COL25A1: variants seen among roughly 807,000 people sequenced by gnomAD.
The protein encoded by COL25A1 is collagen alpha-1(XXV) chain.
Under a neutral mutation model 128.4 loss-of-function variants are expected in COL25A1, and 103 were observed. The observed-to-expected ratio is 0.80, with a 90% CI of 0.68 to 0.94. COL25A1 has a LOEUF of 0.94. Ranked by LOEUF, COL25A1 falls within the 40% of genes least tolerant of loss-of-function variation. The pLI is 0.00. For synonymous variants in COL25A1, 279 were observed against 277.2 expected, an observed-to-expected ratio of 1.01 and a Z score of -0.06; for missense variants, 745 against 840.0, an observed-to-expected ratio of 0.89 and a Z score of 1.40.
intron 3 of COL25A1, among the ~76,000 whole-genome samples, chr4:109,171,741 G>A (rs1773607877): frequency 6.6e-6 from 1 of 152,126 alleles, no homozygotes; most frequent in Non-Finnish European, 1.5e-5. Context: ...ACATATGTTT[G>A]TAGAACAAAT....
intron 3 of COL25A1, among the ~76,000 whole-genome samples, chr4:109,215,936 G>A (rs1199611742): frequency 6.6e-6 from 1 of 152,066 alleles, no homozygotes; most frequent in Non-Finnish European, 1.5e-5. Context: ...CGTTACATGT[G>A]TGAGTCAGCA....
intron 3 of COL25A1, among the ~76,000 whole-genome samples, chr4:109,098,942 T>G (rs1765648500): frequency 6.6e-6 from 1 of 152,198 alleles, no homozygotes; most frequent in African/African-American, 2.4e-5. Context: ...TACTTAGCAG[T>G]TCTGTGAGCT....
chr4:108,927,283 T>C (rs929440859), intron 11 of COL25A1, among the ~76,000 whole-genome samples: 7 of 152,212 alleles, frequency 4.6e-5, no homozygotes, highest in Non-Finnish European at 8.8e-5. Flanking sequence ...TATTTACCTA[T>C]TTTAAAAATC....
At chr4:109,083,488 A>T (rs1764058109) in intron 3 of COL25A1, among the ~76,000 whole-genome samples, 2 of 95,350 alleles carry the variant, frequency 2.1e-5, no homozygotes, top group African/African-American at 4.3e-5. Context: ...TTTGAGACGG[A>T]GTCTCGCTCT....
intron 2 of COL25A1, among the ~76,000 whole-genome samples, chr4:109,301,265 T>C (rs1224360462): frequency 6.6e-6 from 1 of 152,190 alleles, no homozygotes; most frequent in Non-Finnish European, 1.5e-5. Context: ...TGTGAAATTA[T>C]TGATTTTAAA....
chr4:109,043,463 G>A (rs907734699), intron 5 of COL25A1, among the ~76,000 whole-genome samples: 2 of 152,006 alleles, frequency 1.3e-5, no homozygotes, highest in African/African-American at 4.8e-5. Context: ...GACAGAGCAG[G>A]CTGCACAACA....
intron 31 of COL25A1, among the ~76,000 whole-genome samples, chr4:108,835,481 TTGAG>T (rs1253146158): frequency 6.6e-6 from 1 of 152,212 alleles, no homozygotes; most frequent in African/African-American, 2.4e-5. Context: ...TACATACATT[TTGAG>T]TATTTTGAGT....
intron 3 of COL25A1, among the ~76,000 whole-genome samples, chr4:109,073,800 T>G (rs1763175937): frequency 6.6e-6 from 1 of 152,242 alleles, no homozygotes; most frequent in South Asian, 2.1e-4. Context: ...TATTTCTGTC[T>G]ACTAATTTTT....
rs200480416 is a variant in COL25A1 at position 108,974,484 on chromosome 4, C to T, written c.465+49G>A. ...TCAAAATGTAACACAGTATAGGTCACGCCAATATGGATCTTCACTAACTTT... is the reference window on the plus strand; with the variant it reads ...TCAAAATGTAACACAGTATAGGTCATGCCAATATGGATCTTCACTAACTTT... On this transcript the variant is annotated intron_variant, in intron 7 of 37. Transcript: ENST00000399132. 2.6e-3 allele frequency: 4,228 copies of T among 1,607,542 alleles called. 6 individuals are homozygous for T. The highest frequency in any genetic ancestry group is 3.3e-3 in the Non-Finnish European group (3,828 of 1,174,798).
intron 3 of COL25A1, among the ~76,000 whole-genome samples, chr4:109,098,688 T>C (rs746563124): frequency 6.6e-6 from 1 of 152,186 alleles, no homozygotes; most frequent in Non-Finnish European, 1.5e-5. Flanking sequence ...GTTTAACCAG[T>C]TGTACTGTCT....
At chr4:108,995,636 C>A (rs189040548) in intron 6 of COL25A1, among the ~76,000 whole-genome samples, 1 of 152,184 alleles carries the variant, frequency 6.6e-6, no homozygotes, top group East Asian at 1.9e-4. Context: ...AGAAACTCCT[C>A]GAGAAGAGCA....
At chr4:109,113,509 T>C (rs1280211159) in intron 3 of COL25A1, among the ~76,000 whole-genome samples, 1 of 152,168 alleles carries the variant, frequency 6.6e-6, no homozygotes, top group East Asian at 1.9e-4. Flanking sequence ...TCCATTTTGA[T>C]ATTTTTATCT....
At chr4:108,868,548 A>AAAGAAAGAAAG (rs59941232) in intron 20 of COL25A1, among the ~76,000 whole-genome samples, 134,831 of 140,112 alleles carry the variant, frequency 0.96, 65,130 homozygotes, top group East Asian at 1. Context: ...AGAAAAGAAA[A>AAAGAAAGAAAG]AAGAAAGAAA....
chr4:109,090,219 C>T (rs923901121), intron 3 of COL25A1, among the ~76,000 whole-genome samples: 1 of 152,152 alleles, frequency 6.6e-6, no homozygotes, highest in Admixed American at 6.5e-5. Flanking sequence ...CCTATAAAAA[C>T]CACACGGAAC....
intron 13 of COL25A1, among the ~76,000 whole-genome samples, chr4:108,902,925 T>C (rs1387620926): frequency 6.6e-6 from 1 of 151,998 alleles, no homozygotes; most frequent in Non-Finnish European, 1.5e-5. Context: ...CTATGGAGTC[T>C]GCTTGCTTCA....
intron 3 of COL25A1, among the ~76,000 whole-genome samples, chr4:109,276,867 G>C (rs568831730): frequency 7.4e-4 from 113 of 152,284 alleles, no homozygotes; most frequent in Admixed American, 1.3e-3. Flanking sequence ...GTTCTGCCCT[G>C]TAGTAGAAAT....
At position 108,991,502 on chromosome 4, in the gene COL25A1, A is replaced by G. The variant is rs1028065406; in HGVS notation, c.439-16943T>C. Among the ~76,000 whole-genome samples the G allele has an allele frequency of 1.4e-4, 21 of 152,190 alleles. No individual in the cohort carries two copies. The South Asian group carries it at 1.9e-3, about 14-fold the overall frequency. Reference sequence around the variant, plus strand: ...ACATCAAAAATTCTAATATATTAAGACTTTTATTATCATTCTCTTTATAAT... The same window carrying G: ...ACATCAAAAATTCTAATATATTAAGGCTTTTATTATCATTCTCTTTATAAT... On this transcript the variant is annotated intron_variant, in intron 6 of 37. Transcript: ENST00000399132.
At chr4:109,257,246 G>C (rs1318691433) in intron 3 of COL25A1, among the ~76,000 whole-genome samples, 2 of 152,144 alleles carry the variant, frequency 1.3e-5, no homozygotes, top group Non-Finnish European at 2.9e-5. Flanking sequence ...CCAATGTGAA[G>C]ATAAATTTTC....
At chr4:109,077,787 G>A (rs920595190) in intron 3 of COL25A1, among the ~76,000 whole-genome samples, 1 of 152,200 alleles carries the variant, frequency 6.6e-6, no homozygotes, top group Non-Finnish European at 1.5e-5. Flanking sequence ...AAGTGCCGAA[G>A]GATAAGACTG....
Sources: allele counts gnomAD v4.1 joint callset (sites outside exome capture counted in the v4.1 genomes callset), GRCh38; gene constraint gnomAD v4.1.1; transcripts MANE v1.5; gene names NCBI Gene and HGNC (gene_info 2026-07-23, HGNC 2026-07-21).